The following SYNPO2 variants were observed in gnomAD, a reference collection of about 807,000 sequenced individuals.
SYNPO2 encodes synaptopodin 2.
SYNPO2 carries 56 observed loss-of-function variants against 85.0 expected under a neutral mutation model. The ratio of observed to expected loss-of-function variants is 0.66; its 90% confidence interval spans 0.53 to 0.82. The LOEUF is 0.82. Among genes scored for constraint, SYNPO2 ranks in the 40% least tolerant of loss-of-function variants. The pLI, the probability that SYNPO2 is intolerant of heterozygous loss-of-function variation, is 0.00. For synonymous variants in SYNPO2, 602 were observed against 591.1 expected (o/e 1.02, Z -0.27); for missense variants, 1,575 against 1,534.2 (o/e 1.03, Z -0.44).
chr4:118,894,426 T>C (rs1456044181), intron 1 of SYNPO2, among the ~76,000 whole-genome samples: 1 of 152,076 alleles, frequency 6.6e-6, no homozygotes, highest in Non-Finnish European at 1.5e-5. Context: ...ACTGTAAAGA[T>C]CAGGGGAACT....
At chr4:119,014,792 C>T (rs923613752) in intron 1 of SYNPO2, among the ~76,000 whole-genome samples, 3 of 152,150 alleles carry the variant, frequency 2.0e-5, no homozygotes, top group South Asian at 2.1e-4. Context: ...AGCTCTTCCC[C>T]GAAAGGCTGT....
At chr4:118,947,518 T>G (rs1413838081) in intron 1 of SYNPO2, among the ~76,000 whole-genome samples, 1 of 152,208 alleles carries the variant, frequency 6.6e-6, no homozygotes, top group East Asian at 1.9e-4. Context: ...TAAAGCCACC[T>G]GCAATAAGTT....
In SYNPO2 at chr4:119,031,790, T is replaced by A. The variant is rs756574649; in HGVS notation, c.3015T>A (p.Ala1005=). ...KVNSALAMKQ[A]LPPRPVNAAS... is the part of the protein sequence containing the mutation. ...ATTCAGCCCTGGCCATGAAGCAAGC[T>A]CTTCCTCCCCGGCCAGTGAATGCTG... is the stretch of plus-strand genomic sequence containing the variant. Residue 1005 remains alanine, a synonymous_variant, in exon 4 of 5, where the codon GCT becomes GCA. Coordinates refer to ENST00000307142, the MANE Select transcript of SYNPO2 (RefSeq NM_133477.3). 6.2e-7 allele frequency: 1 copy of A among 1,614,056 alleles called. No homozygotes were observed. Among genetic ancestry groups the A allele is most frequent in the Admixed American group, 1.7e-5 (1 of 60,018 alleles).
chr4:118,880,138 A>G (rs1732053416), intron 1 of SYNPO2, among the ~76,000 whole-genome samples: 1 of 152,208 alleles, frequency 6.6e-6, no homozygotes. Context: ...AGGAAATTGT[A>G]AGGGTCTGGC....
chr4:118,918,343 TAA>T, intron 1 of SYNPO2, among the ~76,000 whole-genome samples: 1 of 152,158 alleles, frequency 6.6e-6, no homozygotes, highest in South Asian at 2.1e-4. Flanking sequence ...TGAAAAACAT[TAA>T]ACAAACCTAC....
chr4:118,917,068 T>C (rs1733361906), intron 1 of SYNPO2, among the ~76,000 whole-genome samples: 1 of 152,092 alleles, frequency 6.6e-6, no homozygotes, highest in African/African-American at 2.4e-5. Flanking sequence ...GTTTTAATCA[T>C]CTTGGAGATG....
At chr4:118,863,172 A>G (rs559194931) in intron 1 of SYNPO2, among the ~76,000 whole-genome samples, 3 of 152,308 alleles carry the variant, frequency 2.0e-5, no homozygotes, top group South Asian at 4.1e-4. Context: ...TACTGGCCTC[A>G]TAGATTGATT....
chr4:118,909,945 C>T (rs1482231199), intron 1 of SYNPO2, among the ~76,000 whole-genome samples: 4 of 152,182 alleles, frequency 2.6e-5, no homozygotes, highest in African/African-American at 9.7e-5. Context: ...ATTCACAATG[C>T]GTTCCTGATC....
chr4:118,854,857 T>C (rs920204197), intron 1 of SYNPO2, among the ~76,000 whole-genome samples: 1 of 152,102 alleles, frequency 6.6e-6, no homozygotes, highest in South Asian at 2.1e-4. Flanking sequence ...AATTTTGAAA[T>C]AAAAAATAAT....
chr4:119,036,809 C>T, intron 4 of SYNPO2: 3 of 1,019,450 alleles, frequency 2.9e-6, no homozygotes, highest in Non-Finnish European at 2.3e-6. Flanking sequence ...TTGGAAATCA[C>T]AGCACTACTC....
At chr4:119,008,126 G>A (rs1160791146) in intron 1 of SYNPO2, among the ~76,000 whole-genome samples, 2 of 152,176 alleles carry the variant, frequency 1.3e-5, no homozygotes, top group Non-Finnish European at 2.9e-5. Context: ...AGATTTCATA[G>A]TACAGTAACT....
At chr4:119,034,639 G>A in intron 4 of SYNPO2, 1 of 985,462 alleles carries the variant, frequency 1.0e-6, no homozygotes, top group Non-Finnish European at 1.2e-6. Context: ...GAGGGTGGAA[G>A]TTCTCCAAAA....
At chr4:118,960,457 G>A (rs139035381) in intron 1 of SYNPO2, among the ~76,000 whole-genome samples, 29 of 152,226 alleles carry the variant, frequency 1.9e-4, no homozygotes, top group South Asian at 2.1e-4. Context: ...TGGTAAAATC[G>A]TAAATTGAAT....
In SYNPO2 at chr4:118,948,695, C is replaced by T. The variant is rs572868268; in HGVS notation, c.105+59554C>T. 5.1e-4 allele frequency among the ~76,000 whole-genome samples: 78 copies of T among 152,226 alleles called. 1 individual carries two copies. The highest frequency in any genetic ancestry group is 5.1e-3 in the Admixed American group (78 of 15,294). On this transcript the variant is annotated intron_variant, in intron 1 of 4. Coordinates refer to ENST00000307142, the MANE Select transcript of SYNPO2 (RefSeq NM_133477.3). ...GAAAGAGGTGTCACACTCTTTTAAA[C>T]AACCAGCTCTTATGTGAACTAATAG... is the stretch of plus-strand genomic sequence containing the variant.
chr4:118,900,703 C>CTCTCTCTCTCTATATATATATA (rs1277981772), intron 1 of SYNPO2, among the ~76,000 whole-genome samples: 7 of 43,890 alleles, frequency 1.6e-4, no homozygotes, highest in African/African-American at 2.4e-4. Flanking sequence ...CTCTCTCTCT[C>CTCTCTCTCTCTATATATATATA]TATATATATA....
intron 1 of SYNPO2, among the ~76,000 whole-genome samples, chr4:118,933,829 G>GTTGTTGTTGTTTTT (rs1553939088): frequency 9.8e-6 from 1 of 102,318 alleles, no homozygotes; most frequent in Non-Finnish European, 1.9e-5. Flanking sequence ...TGTTGTTGTT[G>GTTGTTGTTGTTTTT]TTTTTTTTTT....
intron 1 of SYNPO2, among the ~76,000 whole-genome samples, chr4:118,916,195 C>G (rs1189963284): frequency 6.8e-6 from 1 of 147,776 alleles, no homozygotes; most frequent in Non-Finnish European, 1.5e-5. Context: ...TTTTCTGAGA[C>G]AGAATCTTGC....
At chr4:118,935,109 G>A (rs905345655) in intron 1 of SYNPO2, among the ~76,000 whole-genome samples, 1 of 151,982 alleles carries the variant, frequency 6.6e-6, no homozygotes, top group African/African-American at 2.4e-5. Context: ...ACTCTTCTTT[G>A]TATAAATTCT....
chr4:118,916,697 T>A (rs550458047), intron 1 of SYNPO2, among the ~76,000 whole-genome samples: 47 of 151,444 alleles, frequency 3.1e-4, no homozygotes, highest in African/African-American at 1.0e-3. Context: ...TGCTTTCTTT[T>A]TCTTCTTCCT....
Sources: allele counts gnomAD v4.1 joint callset (sites outside exome capture counted in the v4.1 genomes callset), GRCh38; gene constraint gnomAD v4.1.1; transcripts MANE v1.5; gene names NCBI Gene and HGNC (gene_info 2026-07-23, HGNC 2026-07-21).